Variants in TENM1 observed in about 807,000 individuals in gnomAD.
TENM1 encodes the protein teneurin-1.
TENM1 carries 35 observed loss-of-function variants against 174.8 expected under a neutral mutation model. The observed-to-expected ratio is 0.20, with a 90% CI of 0.15 to 0.27. The LOEUF (loss-of-function observed/expected upper bound fraction) is 0.27. Ranked by LOEUF, TENM1 falls within the 10% of genes least tolerant of loss-of-function variation. TENM1 has a pLI of 1.00. For missense variants in TENM1, 1,633 were observed against 2,130.1 expected, an observed-to-expected ratio of 0.77 and a Z score of 4.59; for synonymous variants, 781 against 798.7, an observed-to-expected ratio of 0.98 and a Z score of 0.37.
chrX:124,921,214 A>G (rs978325573), intron 1 of TENM1, among the ~76,000 whole-genome samples: 2 of 109,868 alleles, frequency 1.8e-5, no homozygotes, highest in African/African-American at 6.6e-5. Context: ...AATTCTCATT[A>G]TTACAATTAA....
chrX:124,588,273 A>G (rs1345170278), intron 11 of TENM1, among the ~76,000 whole-genome samples: 1 of 111,516 alleles, frequency 9.0e-6, no homozygotes, highest in Non-Finnish European at 1.9e-5. Flanking sequence ...TCACAATAGC[A>G]AAGACTTGGA....
At chrX:124,984,376 G>A in the TENM1 span, among the ~76,000 whole-genome samples, 4 of 112,168 alleles carry the variant, frequency 3.6e-5, no homozygotes, top group African/African-American at 9.7e-5. Flanking sequence ...GGGACGAAAC[G>A]GGTTATCTCT....
At chrX:124,527,794 G>T (rs753362756) in intron 16 of TENM1, among the ~76,000 whole-genome samples, 2 of 102,637 alleles carry the variant, frequency 1.9e-5, no homozygotes, top group African/African-American at 7.2e-5. Context: ...GACTACAGGC[G>T]CCCGCCACCA....
At chrX:124,949,923 G>T (rs952955743) in intron 1 of TENM1, among the ~76,000 whole-genome samples, 27 of 111,241 alleles carry the variant, frequency 2.4e-4, no homozygotes, top group African/African-American at 8.8e-4. Context: ...TTTAACATAG[G>T]GTAGAGGAGT....
chrX:124,523,776 G>T, intron 16 of TENM1, 151 bp from the exon 20 acceptor site: 1 of 571,113 alleles, frequency 1.8e-6, no homozygotes, highest in Non-Finnish European at 2.7e-6. Context: ...CTCTAGCAAT[G>T]TATTCATTCC....
At chrX:124,546,212 T>C (rs766944327) in intron 15 of TENM1, among the ~76,000 whole-genome samples, 18 of 112,019 alleles carry the variant, frequency 1.6e-4, no homozygotes, top group Non-Finnish European at 2.4e-4. Flanking sequence ...GTGGAATGCA[T>C]ACAGGAGAAC....
At chrX:124,935,680 C>T (rs2058234748) in intron 1 of TENM1, among the ~76,000 whole-genome samples, 1 of 112,965 alleles carries the variant, frequency 8.9e-6, no homozygotes, top group Non-Finnish European at 1.9e-5. Context: ...TAATTTTTTA[C>T]AGCAGAAATA....
the TENM1 span, among the ~76,000 whole-genome samples, chrX:125,171,559 T>C: frequency 9.1e-6 from 1 of 109,962 alleles, no homozygotes; most frequent in Non-Finnish European, 1.9e-5. Flanking sequence ...AGAGTCCTCA[T>C]AAATGGGATT....
chrX:124,858,039 C>T (rs1287502577), intron 3 of TENM1, among the ~76,000 whole-genome samples: 2 of 111,848 alleles, frequency 1.8e-5, no homozygotes, highest in East Asian at 2.8e-4. Context: ...TATTACAAGG[C>T]TTACTACATT....
intron 25 of TENM1, among the ~76,000 whole-genome samples, chrX:124,417,501 T>C (rs12382435): frequency 0.3 from 32,700 of 110,385 alleles, 4,005 homozygotes; most frequent in Non-Finnish European, 0.38. Context: ...TGTGAGCCAC[T>C]GTGCCTGGCC....
chrX:125,070,295 T>A, the TENM1 span, among the ~76,000 whole-genome samples: 1 of 111,263 alleles, frequency 9.0e-6, no homozygotes, highest in African/African-American at 3.3e-5. Flanking sequence ...TGGTGAGCAT[T>A]TTTTCTTATG....
intron 5 of TENM1, among the ~76,000 whole-genome samples, chrX:124,685,472 A>C (rs940303377): frequency 1.8e-5 from 2 of 111,861 alleles, no homozygotes; most frequent in African/African-American, 3.2e-5. Context: ...GCTCAAAGGC[A>C]GGTCATCTGA....
chrX:124,469,503 A>G lies in TENM1; in HGVS notation c.3949+12229T>C, dbSNP rs777887166. 4.5e-5 allele frequency among the ~76,000 whole-genome samples: 5 copies of G among 111,418 alleles called. No homozygotes were observed. The South Asian group carries it at 1.5e-3, about 34-fold the overall frequency. ...TATTCCAAAGTCTCTGGTTTTAACTACTGCAAACACTTCCTAAGTTTTCCA... is the reference window on the plus strand; with the variant it reads ...TATTCCAAAGTCTCTGGTTTTAACTGCTGCAAACACTTCCTAAGTTTTCCA... On this transcript the variant is annotated intron_variant, in intron 22 of 31. Transcript: ENST00000422452.
intron 11 of TENM1, among the ~76,000 whole-genome samples, chrX:124,579,365 T>G (rs1164822882): frequency 2.2e-5 from 2 of 91,354 alleles, no homozygotes; most frequent in Non-Finnish European, 4.3e-5. Flanking sequence ...CCTATTCTAT[T>G]TAGTAGAATC....
chrX:124,440,117 G>T (rs1273289482), intron 23 of TENM1, among the ~76,000 whole-genome samples: 1 of 111,892 alleles, frequency 8.9e-6, no homozygotes, highest in Non-Finnish European at 1.9e-5. Flanking sequence ...GAAAGGTTTG[G>T]CTCTCCTTTG....
intron 3 of TENM1, among the ~76,000 whole-genome samples, chrX:124,824,210 A>C (rs767203632): frequency 1.2e-4 from 13 of 112,260 alleles, no homozygotes; most frequent in Non-Finnish European, 2.3e-4. Flanking sequence ...TTTCCTAAAA[A>C]CTTTTAAGAG....
chrX:124,591,524 T>C (rs2049742281), intron 11 of TENM1, among the ~76,000 whole-genome samples: 1 of 112,029 alleles, frequency 8.9e-6, no homozygotes, highest in Non-Finnish European at 1.9e-5. Context: ...GGAATTTCTT[T>C]TCTTTAAGAA....
At chrX:125,054,356 G>C in the TENM1 span, among the ~76,000 whole-genome samples, 1 of 110,187 alleles carries the variant, frequency 9.1e-6, no homozygotes, top group African/African-American at 3.3e-5. Context: ...AGAACTGTGA[G>C]CTAATTAAAC....
Position 124,645,057 on chromosome X carries a change from G to A in TENM1, c.1876+86C>T, listed in dbSNP as rs781324071. ...CATTTATTGTTTGCAAAGGCCACTT[G>A]CATCTCTACTAGGAGAACAGAATGA... On this transcript the variant is annotated intron_variant, in intron 10 of 31. Coordinates refer to ENST00000422452, the Ensembl canonical transcript of TENM1. 8.4e-6 allele frequency: 8 copies of A among 956,134 alleles called. No homozygotes were observed. The South Asian group carries it at 1.8e-4, about 22-fold the overall frequency. 78.8% of individuals were successfully genotyped at this position (956,134 alleles called of 1,213,427 possible).
Sources: gnomAD v4.1 joint callset for allele counts (sites outside exome capture counted in the v4.1 genomes callset) on GRCh38, gnomAD v4.1.1 for gene constraint, MANE v1.5 for transcripts, NCBI Gene and HGNC (gene_info 2026-07-23, HGNC 2026-07-21) for gene names.